Variants in TSPAN9 observed in about 807,000 individuals in gnomAD.
The protein encoded by TSPAN9 is tetraspanin 9.
In TSPAN9, 16 loss-of-function variants were observed where a neutral mutation model predicts 31.0. That is an observed-to-expected ratio of 0.52 (90% CI 0.35 to 0.78). The LOEUF is 0.78. Among genes scored for constraint, TSPAN9 ranks in the 30% least tolerant of loss-of-function variants. TSPAN9 has a pLI of 0.01. For synonymous variants in TSPAN9, 145 were observed against 121.6 expected, an observed-to-expected ratio of 1.19 and a Z score of -1.27; for missense variants, 272 against 312.5, an observed-to-expected ratio of 0.87 and a Z score of 0.98.
At chr12:3,169,792 G>GC (rs1375139249) in intron 2 of TSPAN9, among the ~76,000 whole-genome samples, 25 of 152,292 alleles carry the variant, frequency 1.6e-4, no homozygotes, top group African/African-American at 6.0e-4. Flanking sequence ...ACATTTGAAG[G>GC]CAGGAAGAAG....
chr12:3,116,527 A>C (rs2098322536), intron 2 of TSPAN9, among the ~76,000 whole-genome samples: 1 of 152,176 alleles, frequency 6.6e-6, no homozygotes, highest in Non-Finnish European at 1.5e-5. Flanking sequence ...TCCTGAGGTC[A>C]CGCAGCTCGG....
chr12:3,162,217 C>G (rs1046974207), intron 2 of TSPAN9, among the ~76,000 whole-genome samples: 1 of 152,158 alleles, frequency 6.6e-6, no homozygotes, highest in Admixed American at 6.5e-5. Context: ...CGACTCGCTT[C>G]TGCCTTCCAC....
chr12:3,134,999 G>A (rs1346968731), intron 2 of TSPAN9, among the ~76,000 whole-genome samples: 2 of 152,154 alleles, frequency 1.3e-5, no homozygotes, highest in Non-Finnish European at 2.9e-5. Context: ...GAGACCACTC[G>A]GAGGTGCCTG....
rs988434289 is a variant in TSPAN9, at chr12:3,280,263, C to T, written c.331-119C>T. On this transcript the variant is annotated intron_variant, in intron 5 of 8. Transcript: ENST00000011898. The surrounding 1 kb of genome is among the most constrained non-coding windows in gnomAD (Gnocchi z 4.5). ...TGGGCAGGGCCTTCCAGACCAGCTG[C>T]CTTCCCTGCCTTCCTCACTCCTCAT... The T allele has an allele frequency of 1.5e-5, 13 of 878,480 alleles. No individual in the cohort carries two copies. In the South Asian group the frequency reaches 1.5e-4, roughly 10 times the overall value. The allele number at this position is 878,480 out of a possible 1,614,324, so 54.4% of individuals were successfully genotyped here. A position where few individuals can be genotyped will look rare whatever the true frequency, so the allele number is the denominator to read the frequency against.
At chr12:3,264,043 C>T (rs4766087) in intron 3 of TSPAN9, among the ~76,000 whole-genome samples, 59,151 of 151,886 alleles carry the variant, frequency 0.39, 13,498 homozygotes, top group South Asian at 0.59. Context: ...AGTGATTGGG[C>T]AGGCAAGTGT....
At chr12:3,123,450 C>A (rs1002987396) in intron 2 of TSPAN9, among the ~76,000 whole-genome samples, 1 of 152,172 alleles carries the variant, frequency 6.6e-6, no homozygotes, top group East Asian at 1.9e-4. Context: ...GCCAGACCTC[C>A]CTTGCCCTTG....
intron 2 of TSPAN9, among the ~76,000 whole-genome samples, chr12:3,095,633 C>CCG (rs1555140335): frequency 8.6e-5 from 4 of 46,714 alleles, no homozygotes; most frequent in African/African-American, 6.3e-4. Flanking sequence ...GGAGGGCTGA[C>CCG]CCCCCCCACC....
At chr12:3,105,795 C>T (rs1371495082) in intron 2 of TSPAN9, among the ~76,000 whole-genome samples, 5 of 150,410 alleles carry the variant, frequency 3.3e-5, no homozygotes, top group African/African-American at 9.8e-5. Flanking sequence ...TACACACTCA[C>T]GCACACATGC....
Position 3,143,873 on chromosome 12 carries a change from GCTT to G in TSPAN9, c.-17-57300_-17-57298del, listed in dbSNP as rs1051328234. Among the ~76,000 whole-genome samples, 1 of 152,162 alleles carries G rather than the reference GCTT, an allele frequency of 6.6e-6. No individual in the cohort carries two copies. Among genetic ancestry groups the G allele is most frequent in the African/African-American group, 2.4e-5 (1 of 41,430 alleles). On this transcript the variant is annotated intron_variant, in intron 2 of 8. Coordinates refer to ENST00000011898, the MANE Select transcript of TSPAN9 (RefSeq NM_006675.5). This position sits in a 1 kb window ranked among gnomAD's most constrained non-coding sequence, Gnocchi z 4.2. ...ATCAATCACTTCTCTAAGGAGCTCT[GCTT>G]CTTTTTGCTGGAGCATGGTGTTTAG...
chr12:3,115,328 G>A (rs2153965719), intron 2 of TSPAN9, among the ~76,000 whole-genome samples: 1 of 152,260 alleles, frequency 6.6e-6, no homozygotes, highest in South Asian at 2.1e-4. Flanking sequence ...GTACCCATTC[G>A]TCATTGACTG....
rs2098361815 is a variant in TSPAN9 at position 3,187,080 on chromosome 12, TCTGC to T, written c.-17-14095_-17-14092del. On this transcript the variant is annotated intron_variant, in intron 2 of 8. Transcript: ENST00000011898. The surrounding 1 kb of genome is among the most constrained non-coding windows in gnomAD (Gnocchi z 5.2). The stretch of plus-strand genomic sequence containing the variant: ...CCCCTGTAGAGCTGATTGTTGAACG[TCTGC>T]CAGCCCACCACTGGATTGTTACCTC... 6.6e-6 allele frequency among the ~76,000 whole-genome samples: 1 copy of T among 152,162 alleles called. No homozygotes were observed. The highest frequency in any genetic ancestry group is 2.1e-4 in the South Asian group (1 of 4,822).
chr12:3,152,121 T>TG (rs2098340068), intron 2 of TSPAN9, among the ~76,000 whole-genome samples: 1 of 152,200 alleles, frequency 6.6e-6, no homozygotes, highest in African/African-American at 2.4e-5. Context: ...AATCTCTCCC[T>TG]GGGGAGTCTG....
At chr12:3,233,578 TTG>T (rs2098391893) in intron 3 of TSPAN9, among the ~76,000 whole-genome samples, 1 of 152,232 alleles carries the variant, frequency 6.6e-6, no homozygotes, top group South Asian at 2.1e-4. Context: ...CTACTAAATA[TTG>T]TGTTTCTAAG....
intron 2 of TSPAN9, among the ~76,000 whole-genome samples, chr12:3,164,010 G>A (rs1333762840): frequency 6.6e-6 from 1 of 152,210 alleles, no homozygotes; most frequent in African/African-American, 2.4e-5. Context: ...GGAGGGTGGG[G>A]CAGGAGGGCC....
intron 3 of TSPAN9, among the ~76,000 whole-genome samples, chr12:3,254,009 C>T (rs566626796): frequency 5.9e-5 from 9 of 152,134 alleles, no homozygotes; most frequent in African/African-American, 1.2e-4. Context: ...AGGATGATAG[C>T]GTCAAATGGG....
intron 3 of TSPAN9, among the ~76,000 whole-genome samples, chr12:3,222,815 A>C (rs2153975104): frequency 1.3e-5 from 2 of 150,924 alleles, no homozygotes; most frequent in East Asian, 2.0e-4. Flanking sequence ...TCCTTAAACC[A>C]CCCCCCAGGT....
At chr12:3,141,599 G>A (rs1413039894) in intron 2 of TSPAN9, among the ~76,000 whole-genome samples, 7 of 152,056 alleles carry the variant, frequency 4.6e-5, no homozygotes, top group African/African-American at 7.2e-5. Context: ...GCTGTGTCTC[G>A]GCTGCAGCTG....
chr12:3,219,896 G>T (rs113000770), intron 3 of TSPAN9, among the ~76,000 whole-genome samples: 10,249 of 149,484 alleles, frequency 0.069, 500 homozygotes, highest in African/African-American at 0.14. Context: ...GGCCCACGCC[G>T]GTAATCCCAG....
rs115093981 is a variant in TSPAN9 at position 3,131,805 on chromosome 12, C to T, written c.-18+48086C>T. On this transcript the variant is annotated intron_variant, in intron 2 of 8. Coordinates refer to ENST00000011898, the MANE Select transcript of TSPAN9 (RefSeq NM_006675.5). ...TACATACAAAATATATCATTATAAC[C>T]ATTTTAAAGTGTGTAATTCGATGGC... Among the ~76,000 whole-genome samples, 806 of 152,232 alleles carry T rather than the reference C, an allele frequency of 5.3e-3. 7 individuals carry two copies. The highest frequency in any genetic ancestry group is 0.018 in the African/African-American group (768 of 41,546).
Sources: allele counts gnomAD v4.1 joint callset (sites outside exome capture counted in the v4.1 genomes callset), GRCh38; gene constraint gnomAD v4.1.1; non-coding constraint Gnocchi (gnomAD v3.1); transcripts MANE v1.5; gene names NCBI Gene and HGNC (gene_info 2026-07-23, HGNC 2026-07-21).